Variants in KCNQ1 observed in about 807,000 individuals in gnomAD.
KCNQ1 encodes potassium voltage-gated channel subfamily KQT member 1.
KCNQ1 carries 49 observed loss-of-function variants against 72.4 expected under a neutral mutation model. The ratio of observed to expected loss-of-function variants is 0.68; its 90% CI spans 0.54 to 0.86. The LOEUF is 0.86. KCNQ1 is among the 40% of genes least tolerant of loss of function. The pLI is 0.00. For synonymous variants in KCNQ1, 450 were observed against 412.6 expected (o/e 1.09, Z -1.10); for missense variants, 790 against 945.1 (o/e 0.84, Z 2.15).
chr11:2,562,694 G>T lies in KCNQ1; in HGVS notation c.478-7934G>T, dbSNP rs1848191558. Among the ~76,000 whole-genome samples, 1 of 152,168 alleles carries T rather than the reference G, an allele frequency of 6.6e-6. No individual in the cohort carries two copies. Among genetic ancestry groups the T allele is most frequent in the Non-Finnish European group, 1.5e-5 (1 of 68,030 alleles). On this transcript the variant is annotated intron_variant, in intron 2 of 15. Coordinates refer to ENST00000155840, the MANE Select transcript of KCNQ1 (RefSeq NM_000218.3). This position sits in a 1 kb window ranked among gnomAD's most constrained non-coding sequence, Gnocchi z 7.5. ...CCTCATTGTCTCCTAAAAAGTGTGG[G>T]TACAGATCTCAGGCTTTTCAAGGGT...
At chr11:2,644,793 A>G in intron 10 of KCNQ1, 1 of 398,616 alleles carries the variant, frequency 2.5e-6, no homozygotes, top group Non-Finnish European at 4.4e-6. Context: ...TGTGATCTCC[A>G]TGGAATTTTT....
intron 1 of KCNQ1, among the ~76,000 whole-genome samples, chr11:2,499,238 C>G (rs956401675): frequency 6.6e-6 from 1 of 152,118 alleles, no homozygotes; most frequent in Admixed American, 6.6e-5. Flanking sequence ...GTTAAGTCAT[C>G]ATCAGTTTAA....
At chr11:2,452,129 T>A (rs1175747944) in intron 1 of KCNQ1, among the ~76,000 whole-genome samples, 3 of 152,122 alleles carry the variant, frequency 2.0e-5, no homozygotes, top group Non-Finnish European at 4.4e-5. Flanking sequence ...GGCTCTTAGC[T>A]TTCCCTCCAT....
chr11:2,662,558 CT>C, intron 11 of KCNQ1: 1 of 428,822 alleles, frequency 2.3e-6, no homozygotes, highest in Non-Finnish European at 4.1e-6. Flanking sequence ...TGGCCTTCCC[CT>C]GAGGCACAGC....
intron 1 of KCNQ1, among the ~76,000 whole-genome samples, chr11:2,506,950 A>T (rs1160268146): frequency 6.6e-6 from 1 of 152,140 alleles, no homozygotes; most frequent in South Asian, 2.1e-4. Context: ...TAAGTCATTT[A>T]TATTGTGGGA....
intron 10 of KCNQ1, chr11:2,609,346 C>G (rs1306766531): frequency 1.5e-5 from 6 of 398,232 alleles, no homozygotes; most frequent in Non-Finnish European, 2.7e-5. Flanking sequence ...TTCTTTGCTA[C>G]TGAGTTCTAC....
rs897543229 is a variant in KCNQ1 at position 2,658,143 on chromosome 11, C to T, written c.1394-3818C>T. 2.5e-6 allele frequency: 1 copy of T among 398,474 alleles called. No homozygotes were observed. 24.7% of individuals were successfully genotyped at this position (398,474 alleles called of 1,614,324 possible). On this transcript the variant is annotated intron_variant, in intron 10 of 15. Coordinates refer to ENST00000155840, the MANE Select transcript of KCNQ1 (RefSeq NM_000218.3). The surrounding 1 kb of genome is among the most constrained non-coding windows in gnomAD (Gnocchi z 4.9). Reference sequence around the variant, plus strand: ...ATCTGCAAATATGTTAAAACTACCACAGCAATTAAAATACATTTCAAGGAA... The same window carrying T: ...ATCTGCAAATATGTTAAAACTACCATAGCAATTAAAATACATTTCAAGGAA...
intron 15 of KCNQ1, among the ~76,000 whole-genome samples, chr11:2,846,202 G>A (rs2237900): frequency 0.14 from 20,783 of 152,198 alleles, 1,661 homozygotes; most frequent in East Asian, 0.35. Context: ...ACGGCCAGGT[G>A]GACCGGGCCA....
chr11:2,727,374 G>A (rs983089620), intron 11 of KCNQ1, among the ~76,000 whole-genome samples: 5 of 152,172 alleles, frequency 3.3e-5, no homozygotes, highest in South Asian at 2.1e-4. Context: ...CGTGTGGGGC[G>A]CAGGACGGCA....
At chr11:2,628,131 T>C (rs763520530) in intron 10 of KCNQ1, 8 of 398,496 alleles carry the variant, frequency 2.0e-5, no homozygotes, top group Non-Finnish European at 3.1e-5. Context: ...GATACTGACT[T>C]TGTTTTCCTT....
chr11:2,666,267 G>A (rs1850065364), intron 11 of KCNQ1: 2 of 398,602 alleles, frequency 5.0e-6, no homozygotes, highest in East Asian at 7.1e-5. Context: ...GGACCCCCGA[G>A]GCTGGGCAGA....
In KCNQ1 at chr11:2,828,286, C is replaced by T. The variant is rs1441258323; in HGVS notation, c.1795-19481C>T. ...GGTTTGGTGACCGGAGCAGCAGGTGCCAGAGCTGAAAGCACTGGTTAAACG... is the reference window on the plus strand; with the variant it reads ...GGTTTGGTGACCGGAGCAGCAGGTGTCAGAGCTGAAAGCACTGGTTAAACG... On this transcript the variant is annotated intron_variant, in intron 15 of 15. Transcript: ENST00000155840. The surrounding 1 kb of genome is among the most constrained non-coding windows in gnomAD (Gnocchi z 5.3). Among the ~76,000 whole-genome samples, 3 of 152,168 alleles carry T rather than the reference C, an allele frequency of 2.0e-5. No individual in the cohort carries two copies. Among genetic ancestry groups the T allele is most frequent in the African/African-American group, 4.8e-5 (2 of 41,434 alleles).
In KCNQ1 at chr11:2,562,788, G is replaced by A. The variant is rs1003954145; in HGVS notation, c.478-7840G>A. 6.6e-6 allele frequency among the ~76,000 whole-genome samples: 1 copy of A among 152,178 alleles called. No individual in the cohort carries two copies. The highest frequency in any genetic ancestry group is 1.5e-5 in the Non-Finnish European group (1 of 68,042). On this transcript the variant is annotated intron_variant, in intron 2 of 15. Coordinates refer to ENST00000155840, the MANE Select transcript of KCNQ1 (RefSeq NM_000218.3). This position sits in a 1 kb window ranked among gnomAD's most constrained non-coding sequence, Gnocchi z 7.5. ...TATGGGGGCGCCAGGGAGGCCGGCT[G>A]TGTTTCTGCATCCTTGACCCTGGCC...
rs940981378 is a variant in KCNQ1, at chr11:2,781,541, T to G, written c.1794+3504T>G. 2.0e-5 allele frequency among the ~76,000 whole-genome samples: 3 copies of G among 152,152 alleles called. No individual in the cohort carries two copies. The highest frequency in any genetic ancestry group is 7.2e-5 in the African/African-American group (3 of 41,452). Reference sequence around the variant, plus strand: ...CACTCCCCCTCTGGCCCCACTGGGCTTCCTGAAGTCCCACACAGGGCTGGC... The same window carrying G: ...CACTCCCCCTCTGGCCCCACTGGGCGTCCTGAAGTCCCACACAGGGCTGGC... On this transcript the variant is annotated intron_variant, in intron 15 of 15. Transcript: ENST00000155840. The surrounding 1 kb of genome is among the most constrained non-coding windows in gnomAD (Gnocchi z 6.6).
Position 2,572,067 on chromosome 11 carries a change from C to T in KCNQ1, c.738C>T (p.Gly246=), listed in dbSNP as rs759387532. ...TGCTACACGTCGACCGCCAGGGAGG[C>T]ACCTGGAGGCTCCTGGGCTCCGTGG... ...LRMLHVDRQG[G]TWRLLGSVVF... The change falls in exon 5 of 16, where the codon GGC becomes GGT. Residue 246 remains glycine (G), a synonymous_variant. Coordinates refer to ENST00000155840, the MANE Select transcript of KCNQ1 (RefSeq NM_000218.3). 2.5e-6 allele frequency: 4 copies of T among 1,612,902 alleles called. No homozygotes were observed. Among genetic ancestry groups the T allele is most frequent in the East Asian group, 2.2e-5 (1 of 44,866 alleles).
rs914475492 is a variant in KCNQ1, at chr11:2,676,996, C to G, written c.1514+14915C>G. 1.0e-5 allele frequency: 4 copies of G among 398,604 alleles called. No individual in the cohort carries two copies. The highest frequency in any genetic ancestry group is 1.8e-5 in the Non-Finnish European group (4 of 226,054). The allele number at this position is 398,604 out of a possible 1,614,324, so 24.7% of individuals were successfully genotyped here. A position where few individuals can be genotyped will look rare whatever the true frequency, so the allele number is the denominator to read the frequency against. ...CTTTTCATTAACAGCTGCAGAGTTT[C>G]ATTGTGCCATGATTTATGGAACAGA... On this transcript the variant is annotated intron_variant, in intron 11 of 15. Coordinates refer to ENST00000155840, the MANE Select transcript of KCNQ1 (RefSeq NM_000218.3). This position sits in a 1 kb window ranked among gnomAD's most constrained non-coding sequence, Gnocchi z 4.2.
intron 10 of KCNQ1, chr11:2,609,240 T>C (rs1342442482): frequency 1.5e-5 from 6 of 398,184 alleles, no homozygotes; most frequent in Non-Finnish European, 2.7e-5. Context: ...TTCATTAATC[T>C]CAAAGTACGT....
rs1458121657 is a variant in KCNQ1, at chr11:2,608,656, GT to G, written c.1393+19803del. The G allele has an allele frequency of 2.5e-5, 10 of 398,386 alleles. No homozygotes were observed. The highest frequency in any genetic ancestry group is 4.0e-5 in the Non-Finnish European group (9 of 226,060). 24.7% of individuals were successfully genotyped at this position (398,386 alleles called of 1,614,324 possible). A position where few individuals can be genotyped will look rare whatever the true frequency, so the allele number is the denominator to read the frequency against. On this transcript the variant is annotated intron_variant, in intron 10 of 15. Coordinates refer to ENST00000155840, the MANE Select transcript of KCNQ1 (RefSeq NM_000218.3). The surrounding 1 kb of genome is among the most constrained non-coding windows in gnomAD (Gnocchi z 4.6). ...TCAAAAAATATTTTGTAGAGATAGG[GT>G]CTTGCTTTGTTGTGCATGCTATTCT...
chr11:2,598,041 T>C lies in KCNQ1; in HGVS notation c.1393+9187T>C, dbSNP rs185472490. On this transcript the variant is annotated intron_variant, in intron 10 of 15. Transcript: ENST00000155840. This position sits in a 1 kb window ranked among gnomAD's most constrained non-coding sequence, Gnocchi z 6.2. ...ATCAGAAAACTATCTTTGTACTCTTTGTTATCTATTTCATTAATCTAAGCT... is the reference window on the plus strand; with the variant it reads ...ATCAGAAAACTATCTTTGTACTCTTCGTTATCTATTTCATTAATCTAAGCT... Among the ~76,000 whole-genome samples the C allele has an allele frequency of 5.3e-3, 813 of 152,264 alleles. 25 individuals carry two copies. The highest frequency in any genetic ancestry group is 0.046 in the Admixed American group (697 of 15,300).
Sources: allele counts gnomAD v4.1 joint callset (sites outside exome capture counted in the v4.1 genomes callset), GRCh38; gene constraint gnomAD v4.1.1; non-coding constraint Gnocchi (gnomAD v3.1); transcripts MANE v1.5; gene names NCBI Gene and HGNC (gene_info 2026-07-23, HGNC 2026-07-21).